THEM5: variants seen among roughly 807,000 people sequenced by gnomAD.
THEM5 encodes thioesterase superfamily member 5, also known as acyl-coenzyme A thioesterase THEM5.
Under a neutral mutation model 24.2 loss-of-function variants are expected in THEM5, and 28 were observed. That is an observed-to-expected ratio of 1.16 (90% CI 0.86 to 1.59). The LOEUF is 1.59. THEM5 is among the 40% of genes most tolerant of loss of function. THEM5 has a pLI of 0.00. For synonymous variants in THEM5, 87 were observed against 114.5 expected (o/e 0.76, Z 1.53); for missense variants, 260 against 296.8 (o/e 0.88, Z 0.91).
At chr1:151,851,486 C>T (rs557842940) in intron 2 of THEM5, among the ~76,000 whole-genome samples, 52 of 152,126 alleles carry the variant, frequency 3.4e-4, no homozygotes, top group Non-Finnish European at 5.1e-4. Context: ...AATGTAATTA[C>T]TCATGTAACT....
At position 151,853,300 on chromosome 1, in the gene THEM5, A is replaced by G. The variant is rs1653175287; in HGVS notation, c.123+143T>C. On this transcript the variant is annotated intron_variant, in intron 1 of 5. Coordinates refer to ENST00000368817, the MANE Select transcript of THEM5 (RefSeq NM_182578.4). ...TGGGGGCAACTTGGTATCCCAGAGC[A>G]CTTTCTCTTTGCCAAATCAAATAGC... The G allele has an allele frequency of 2.7e-6, 3 of 1,123,410 alleles. No homozygotes were observed. In the Admixed American group the frequency reaches 9.8e-5, roughly 37 times the overall value. 69.6% of individuals were successfully genotyped at this position (1,123,410 alleles called of 1,614,324 possible).
At chr1:151,851,316 C>G (rs1380141115) in intron 2 of THEM5, 125 bp from the exon 3 acceptor site, 2 of 1,273,404 alleles carry the variant, frequency 1.6e-6, no homozygotes, top group Non-Finnish European at 2.2e-6. Context: ...ACCAGGTCCA[C>G]CCCCAGGGAG....
At chr1:151,852,188 A>G in intron 2 of THEM5, 70 bp downstream of exon 2, 2 of 1,470,492 alleles carry the variant, frequency 1.4e-6, no homozygotes, top group Non-Finnish European at 1.9e-6. Flanking sequence ...GCGGTCTGTG[A>G]AGTTGCTTCT....
chr1:151,852,179 C>A, intron 2 of THEM5, 79 bp downstream of exon 2: 2 of 1,378,008 alleles, frequency 1.5e-6, no homozygotes, highest in South Asian at 1.2e-5. Context: ...AACTGGAAGG[C>A]GGTCTGTGAA....
At chr1:151,852,039 G>T (rs1653143287) in intron 2 of THEM5, among the ~76,000 whole-genome samples, 1 of 152,182 alleles carries the variant, frequency 6.6e-6, no homozygotes. Context: ...TGGGAGCGAA[G>T]GTGGGCCCAC....
Position 151,853,586 on chromosome 1 carries a change from C to T in THEM5, c.-21G>A. Reference sequence around the variant, plus strand: ...ATCATGGCCAAGTGCAAGGATCCAGCCCTGCTTGGATGGAGGGTCTTGGCT... The same window carrying T: ...ATCATGGCCAAGTGCAAGGATCCAGTCCTGCTTGGATGGAGGGTCTTGGCT... On this transcript the variant is annotated 5_prime_UTR_variant, in exon 1 of 6. Transcript: ENST00000368817. 1 of 1,602,940 alleles carries T rather than the reference C, an allele frequency of 6.2e-7. No homozygotes were observed.
intron 3 of THEM5, among the ~76,000 whole-genome samples, chr1:151,849,850 G>A (rs940682690): frequency 9.9e-5 from 15 of 152,118 alleles, no homozygotes; most frequent in African/African-American, 3.4e-4. Flanking sequence ...GGGCCTGGTG[G>A]ATACTAATCT....
At chr1:151,848,404 C>A in intron 3 of THEM5, 112 bp from the exon 4 acceptor site, 1 of 796,926 alleles carries the variant, frequency 1.3e-6, no homozygotes, top group East Asian at 2.6e-5. Context: ...TTTCCCTAGA[C>A]CCTTCCAAAC....
At position 151,848,295 on chromosome 1, in the gene THEM5, G is replaced by T. The variant is rs984113792; in HGVS notation, c.465-3C>A. On this transcript the variant is annotated splice_region_variant and splice_polypyrimidine_tract_variant and intron_variant, in intron 3 of 5. Transcript: ENST00000368817. ...CCAGGGACCCGCCGTGAGCAAACCT[G>T]GGGGTGGGGTAAGGTGAGGAGCAAG... 6.2e-7 allele frequency: 1 copy of T among 1,613,732 alleles called. No individual in the cohort carries two copies. Among genetic ancestry groups the T allele is most frequent in the Non-Finnish European group, 8.5e-7 (1 of 1,179,676 alleles).
Position 151,851,188 on chromosome 1 carries a change from TTGTC to T in THEM5, c.326-1_328del. On this transcript the variant is annotated splice_acceptor_variant and coding_sequence_variant, in exon 3 of 6. Transcript: ENST00000368817. LOFTEE classifies it high-confidence loss of function. Reference sequence around the variant, plus strand: ...CCTGGTGAAGATGCGACAGTCACCTTTGTCTGGGGAGAGATAGGCAGTGTTGCAG... The same window carrying T: ...CCTGGTGAAGATGCGACAGTCACCTTTGGGGAGAGATAGGCAGTGTTGCAG... The T allele has an allele frequency of 1.9e-6, 3 of 1,614,142 alleles. No individual in the cohort carries two copies. The East Asian group carries it at 6.7e-5, about 36-fold the overall frequency.
chr1:151,851,625 A>T (rs1214378395), intron 2 of THEM5, among the ~76,000 whole-genome samples: 2 of 152,074 alleles, frequency 1.3e-5, no homozygotes, highest in African/African-American at 4.8e-5. Context: ...AAATTCTTTG[A>T]AAAAAAATTA....
In THEM5 at chr1:151,848,166, A is replaced by G. The variant is rs1353078400; in HGVS notation, c.575+16T>C. 3 of 1,610,402 alleles carry G rather than the reference A, an allele frequency of 1.9e-6. No individual in the cohort carries two copies. The highest frequency in any genetic ancestry group is 1.3e-5 in the African/African-American group (1 of 74,834). ...GGTCTGTGACTTTGGCCAATGCCCC[A>G]GGGGCCCATACTTACTTTTTGAACC... On this transcript the variant is annotated intron_variant, in intron 4 of 5. Transcript: ENST00000368817.
At chr1:151,847,897 T>C in intron 4 of THEM5, 35 bp from the exon 5 acceptor site, 1 of 1,612,622 alleles carries the variant, frequency 6.2e-7, no homozygotes, top group Non-Finnish European at 8.5e-7. Context: ...ATCTCTCATG[T>C]GAACCCGGTT....
At chr1:151,848,845 A>G (rs1260386748) in intron 3 of THEM5, among the ~76,000 whole-genome samples, 11 of 152,262 alleles carry the variant, frequency 7.2e-5, no homozygotes, top group Non-Finnish European at 2.9e-5. Context: ...TGCCACAGAA[A>G]GCAGAGCGCC....
At position 151,850,984 on chromosome 1, in the gene THEM5, T is replaced by TGGTG. The variant is rs1462374045; in HGVS notation, c.464+65_464+68dup. ...AAAGATAGAGACTCCAGGGCCAGCCTGGTGGGTGCTGAACCTGCCCTGCTG... is the reference window on the plus strand; with the variant it reads ...AAAGATAGAGACTCCAGGGCCAGCCTGGTGGGTGGGTGCTGAACCTGCCCTGCTG... On this transcript the variant is annotated intron_variant, in intron 3 of 5. Coordinates refer to ENST00000368817, the MANE Select transcript of THEM5 (RefSeq NM_182578.4). 6 of 1,590,126 alleles carry TGGTG rather than the reference T, an allele frequency of 3.8e-6. No homozygotes were observed. The African/African-American group carries it at 8.1e-5, about 21-fold the overall frequency.
intron 3 of THEM5, 113 bp from the exon 4 acceptor site, chr1:151,848,405 C>T (rs1653011019): frequency 2.5e-6 from 2 of 796,578 alleles, no homozygotes; most frequent in Non-Finnish European, 4.1e-6. Context: ...TTCCCTAGAC[C>T]CTTCCAAACA....
intron 1 of THEM5, among the ~76,000 whole-genome samples, chr1:151,853,239 G>A (rs946129773): frequency 1.3e-5 from 2 of 152,238 alleles, no homozygotes; most frequent in Admixed American, 6.5e-5. Context: ...AAGACACAGA[G>A]CCAGATGCAG....
Position 151,852,500 on chromosome 1 carries a change from G to C in THEM5, c.124-41C>G, listed in dbSNP as rs1236947812. On this transcript the variant is annotated intron_variant, in intron 1 of 5. Coordinates refer to ENST00000368817, the MANE Select transcript of THEM5 (RefSeq NM_182578.4). ...CAGAATGACTAGACAGCATCCTGGAGGGGGGCTGCTGCCTGGGCTCGGGAC... is the reference window on the plus strand; with the variant it reads ...CAGAATGACTAGACAGCATCCTGGACGGGGGCTGCTGCCTGGGCTCGGGAC... The C allele has an allele frequency of 1.9e-6, 3 of 1,602,728 alleles. No homozygotes were observed. In the East Asian group the frequency reaches 6.7e-5, roughly 36 times the overall value.
At chr1:151,850,534 T>C (rs1653077544) in intron 3 of THEM5, 1 of 153,048 alleles carries the variant, frequency 6.5e-6, no homozygotes, top group South Asian at 2.0e-4. Flanking sequence ...TCCCCATGGA[T>C]AGAACATGGG....
Sources: allele counts gnomAD v4.1 joint callset (sites outside exome capture counted in the v4.1 genomes callset), GRCh38; gene constraint gnomAD v4.1.1; transcripts MANE v1.5; gene names NCBI Gene and HGNC (gene_info 2026-07-23, HGNC 2026-07-21).